The following EEF1E1 variants were observed in gnomAD, a reference collection of about 807,000 sequenced individuals.
EEF1E1 encodes the protein eukaryotic translation elongation factor 1 epsilon-1.
EEF1E1 carries 19 observed loss-of-function variants against 19.9 expected under a neutral mutation model. The observed-to-expected ratio is 0.95, with a 90% CI of 0.66 to 1.40. The LOEUF (loss-of-function observed/expected upper bound fraction) is 1.40. EEF1E1 is among the 40% of genes most tolerant of loss of function. The probability of loss-of-function intolerance (pLI) is 0.00; values close to 1 mark genes in which losing one functional copy is unlikely to be tolerated. For synonymous variants in EEF1E1, 81 were observed against 80.0 expected (o/e 1.01, Z -0.07); for missense variants, 198 against 202.2 (o/e 0.98, Z 0.13).
chr6:8,079,880 T>C lies in EEF1E1; in HGVS notation c.*10A>G, dbSNP rs1302141229. 4 of 1,610,264 alleles carry C rather than the reference T, an allele frequency of 2.5e-6. No homozygotes were observed. Among genetic ancestry groups the C allele is most frequent in the East Asian group, 2.2e-5 (1 of 44,838 alleles). On this transcript the variant is annotated 3_prime_UTR_variant, in exon 4 of 4. Coordinates refer to ENST00000379715, the MANE Select transcript of EEF1E1 (RefSeq NM_004280.5). ...TTTTTAATAGATCTTCTGTATGGCA[T>C]GGACAGCTTCTAGTGGGAATTAGTA...
Position 8,079,838 on chromosome 6 carries a change from A to C in EEF1E1, c.*52T>G, listed in dbSNP as rs911761530. On this transcript the variant is annotated 3_prime_UTR_variant, in exon 4 of 4. Transcript: ENST00000379715. The stretch of plus-strand genomic sequence containing the variant: ...ACATTAGTCCTGTGGTCTAGAGTAC[A>C]TTTTCCATTTAAAACATTTTTAATA... 18 of 1,580,158 alleles carry C rather than the reference A, an allele frequency of 1.1e-5. No individual in the cohort carries two copies. The Admixed American group carries it at 2.1e-4, about 18-fold the overall frequency.
chr6:8,087,264 C>A (rs1266366343), intron 3 of EEF1E1, among the ~76,000 whole-genome samples: 2 of 152,216 alleles, frequency 1.3e-5, no homozygotes, highest in Non-Finnish European at 2.9e-5. Context: ...GTCGCCCAAG[C>A]TGGAGTGCCT....
At chr6:8,093,526 C>G (rs1406964752) in intron 2 of EEF1E1, among the ~76,000 whole-genome samples, 1 of 151,978 alleles carries the variant, frequency 6.6e-6, no homozygotes, top group Admixed American at 6.6e-5. Context: ...GTAATGCCTG[C>G]TTTTTGAAAT....
intron 3 of EEF1E1, among the ~76,000 whole-genome samples, chr6:8,088,309 A>G (rs1021436288): frequency 2.6e-5 from 4 of 152,218 alleles, no homozygotes; most frequent in Admixed American, 2.6e-4. Flanking sequence ...GGCAGGAGGC[A>G]GAGAGGAGAT....
intron 1 of EEF1E1, chr6:8,102,193 T>C (rs1198221404): frequency 2.6e-6 from 3 of 1,138,398 alleles, no homozygotes; most frequent in Non-Finnish European, 2.4e-6. Context: ...ATGATGACAA[T>C]TTCCCAGGAG....
intron 3 of EEF1E1, among the ~76,000 whole-genome samples, chr6:8,074,376 C>T (rs930540050): frequency 6.6e-6 from 1 of 152,162 alleles, no homozygotes; most frequent in Non-Finnish European, 1.5e-5. Flanking sequence ...TGAGCTCAGT[C>T]AGCTCAGTAC....
chr6:8,097,293 T>C lies in EEF1E1; in HGVS notation c.262A>G (p.Lys88Glu). ...TTCAACAGTGTGTGGATGTCATTTT[T>C]ACTGGAGTGCCCATCTACTTGAGTG... ...RVTQVDGHSS[K>E]NDIHTLLKDL... The change falls in exon 2 of 4, where the codon AAA becomes GAA. Residue 88 changes from lysine to glutamate, a missense_variant. Coordinates refer to ENST00000379715, the MANE Select transcript of EEF1E1 (RefSeq NM_004280.5). 6.2e-7 allele frequency: 1 copy of C among 1,614,222 alleles called. No homozygotes were observed. The highest frequency in any genetic ancestry group is 8.5e-7 in the Non-Finnish European group (1 of 1,180,032).
intron 2 of EEF1E1, among the ~76,000 whole-genome samples, chr6:8,093,804 A>AT (rs111919893): frequency 0.011 from 1,597 of 148,876 alleles, 33 homozygotes; most frequent in African/African-American, 0.036. Context: ...AAAGCAAATA[A>AT]TTTTTTTTTT....
In EEF1E1 at chr6:8,097,488, C is replaced by T. The variant is rs752672137; in HGVS notation, c.88-21G>A. 1.8e-5 allele frequency: 28 copies of T among 1,595,384 alleles called. 1 individual carries two copies. The highest frequency in any genetic ancestry group is 2.3e-5 in the Non-Finnish European group (27 of 1,169,826). On this transcript the variant is annotated intron_variant, in intron 1 of 3. Coordinates refer to ENST00000379715, the MANE Select transcript of EEF1E1 (RefSeq NM_004280.5). ...GGAATCTTAAAAAGAAAAAAAAGTTCACAGAATTTAAAAAACAAGGACCAC... is the reference window on the plus strand; with the variant it reads ...GGAATCTTAAAAAGAAAAAAAAGTTTACAGAATTTAAAAAACAAGGACCAC...
intron 3 of EEF1E1, 135 bp from the exon 4 acceptor site, chr6:8,080,165 T>G: frequency 1.1e-6 from 1 of 927,248 alleles, no homozygotes; most frequent in Non-Finnish European, 1.6e-6. Context: ...GCCAACATAT[T>G]CAGATAGGAG....
chr6:8,077,029 C>T (rs1156607972), downstream of EEF1E1, among the ~76,000 whole-genome samples: 5 of 150,970 alleles, frequency 3.3e-5, no homozygotes, highest in African/African-American at 4.9e-5. Flanking sequence ...CTGCAAGCTC[C>T]GCCTCCCGGG....
downstream of EEF1E1, among the ~76,000 whole-genome samples, chr6:8,075,568 T>A (rs1757571417): frequency 6.6e-6 from 1 of 152,184 alleles, no homozygotes; most frequent in South Asian, 2.1e-4. Flanking sequence ...AAAAATTTTA[T>A]TGCTAAAAAC....
intron 3 of EEF1E1, among the ~76,000 whole-genome samples, chr6:8,080,721 T>C (rs1230375730): frequency 6.6e-6 from 1 of 152,190 alleles, no homozygotes; most frequent in Admixed American, 6.5e-5. Flanking sequence ...TTATTGAGAG[T>C]TATCAGGTAA....
chr6:8,096,002 G>T (rs1241713815), intron 2 of EEF1E1, among the ~76,000 whole-genome samples: 1 of 152,148 alleles, frequency 6.6e-6, no homozygotes, highest in Non-Finnish European at 1.5e-5. Flanking sequence ...ACTGCGGTCA[G>T]ACAAGGAAGA....
At chr6:8,099,862 T>A (rs1758296219) in intron 1 of EEF1E1, among the ~76,000 whole-genome samples, 1 of 152,012 alleles carries the variant, frequency 6.6e-6, no homozygotes. Flanking sequence ...TCTTGAAATG[T>A]ATCCTTGTCT....
At chr6:8,094,164 G>GTAA (rs1758100951) in intron 2 of EEF1E1, among the ~76,000 whole-genome samples, 1 of 152,068 alleles carries the variant, frequency 6.6e-6, no homozygotes, top group South Asian at 2.1e-4. Context: ...GGAGAAAGAG[G>GTAA]TAATACCATG....
chr6:8,079,928 C>A lies in EEF1E1; in HGVS notation c.487G>T (p.Val163Phe). The A allele has an allele frequency of 6.2e-7, 1 of 1,612,966 alleles. No individual in the cohort carries two copies. Among genetic ancestry groups the A allele is most frequent in the East Asian group, 2.2e-5 (1 of 44,864 alleles). ...GTATATAGTCTGTTCTTGATGAAGA[C>A]AACACTAGACAGATGTTGCCTGATG... ...PGIRQHLSSV[V>F]FIKNRLYTNS... is the part of the protein sequence containing the mutation. The change falls in exon 4 of 4, where the codon GTC becomes TTC. Residue 163 changes from valine to phenylalanine, a missense_variant. Val to Phe is a conservative substitution (Grantham distance 50). Transcript: ENST00000379715.
At chr6:8,092,323 A>G (rs954701428) in intron 2 of EEF1E1, among the ~76,000 whole-genome samples, 3 of 152,258 alleles carry the variant, frequency 2.0e-5, no homozygotes, top group African/African-American at 7.2e-5. Context: ...TCAATAAAAA[A>G]TGTTTGCAGA....
intron 1 of EEF1E1, among the ~76,000 whole-genome samples, chr6:8,098,010 G>A (rs1192277279): frequency 6.6e-6 from 1 of 152,034 alleles, no homozygotes; most frequent in African/African-American, 2.4e-5. Flanking sequence ...TGGGAAGACT[G>A]ACCAAACACA....
Sources: allele counts gnomAD v4.1 joint callset (sites outside exome capture counted in the v4.1 genomes callset), GRCh38; gene constraint gnomAD v4.1.1; transcripts MANE v1.5; gene names NCBI Gene and HGNC (gene_info 2026-07-23, HGNC 2026-07-21).